Variants in DNAJC13 observed in about 807,000 individuals in gnomAD.
DNAJC13 encodes dnaJ homolog subfamily C member 13.
In DNAJC13, 75 loss-of-function variants were observed where a neutral mutation model predicts 290.5. That is an observed-to-expected ratio of 0.26 (90% CI 0.21 to 0.31). DNAJC13 has a LOEUF of 0.31. Among genes scored for constraint, DNAJC13 ranks in the 10% least tolerant of loss-of-function variants. DNAJC13 has a pLI of 1.00. For synonymous variants in DNAJC13, 862 were observed against 892.0 expected, an observed-to-expected ratio of 0.97 and a Z score of 0.60; for missense variants, 2,260 against 2,674.5, an observed-to-expected ratio of 0.85 and a Z score of 3.42.
Position 132,447,287 on chromosome 3 carries a change from T to C in DNAJC13, c.145-34T>C, listed in dbSNP as rs544372266. The C allele has an allele frequency of 2.9e-5, 44 of 1,496,764 alleles. No homozygotes were observed. In the South Asian group the frequency reaches 3.1e-4, roughly 11 times the overall value. The allele number at this position is 1,496,764 out of a possible 1,614,324, so 92.7% of individuals were successfully genotyped here. A position where few individuals can be genotyped will look rare whatever the true frequency, so the allele number is the denominator to read the frequency against. On this transcript the variant is annotated intron_variant, in intron 3 of 55. Coordinates refer to ENST00000260818, the MANE Select transcript of DNAJC13 (RefSeq NM_015268.4). The stretch of plus-strand genomic sequence containing the variant: ...ATAAGCATTACATTTTACTGTATTA[T>C]AGTAGCACCAGTCAAAATTTTTTTT...
intron 1 of DNAJC13, among the ~76,000 whole-genome samples, chr3:132,419,244 A>G (rs1159829259): frequency 1.3e-5 from 2 of 152,224 alleles, no homozygotes; most frequent in Non-Finnish European, 1.5e-5. Context: ...TTAAGGCTAG[A>G]GTTCAGTTCA....
intron 48 of DNAJC13, among the ~76,000 whole-genome samples, chr3:132,517,574 G>C (rs938608149): frequency 6.6e-6 from 1 of 152,074 alleles, no homozygotes; most frequent in African/African-American, 2.4e-5. Context: ...TGGGGCCCAG[G>C]AGTCTCCATT....
In DNAJC13 at chr3:132,446,016, A is replaced by G. The variant is rs149508057; in HGVS notation, c.69-459A>G. Among the ~76,000 whole-genome samples, 75 of 152,198 alleles carry G rather than the reference A, an allele frequency of 4.9e-4. 1 individual carries two copies. In the East Asian group the frequency reaches 0.012, roughly 24 times the overall value. On this transcript the variant is annotated intron_variant, in intron 2 of 55. Coordinates refer to ENST00000260818, the MANE Select transcript of DNAJC13 (RefSeq NM_015268.4). The stretch of plus-strand genomic sequence containing the variant: ...ATAGGTAGTTGCTTAAGTAGAAACT[A>G]TTAAGATTCCAGGATATGGCTGTGA...
intron 39 of DNAJC13, among the ~76,000 whole-genome samples, chr3:132,502,059 T>C (rs1935433277): frequency 1.3e-5 from 2 of 152,196 alleles, no homozygotes; most frequent in Admixed American, 6.5e-5. Context: ...CTTCTGACAT[T>C]AGCCTTAAAG....
At position 132,514,428 on chromosome 3, in the gene DNAJC13, T is replaced by C. The variant is rs1278654715; in HGVS notation, c.5386-143T>C. The C allele has an allele frequency of 1.2e-5, 7 of 576,854 alleles. No homozygotes were observed. In the East Asian group the frequency reaches 2.1e-4, roughly 18 times the overall value. 35.7% of individuals were successfully genotyped at this position (576,854 alleles called of 1,614,324 possible). ...TTTCCAAAGAGATTAATAAAGGCAA[T>C]CTTTTAAAATTAAACTCTTATCTAA... On this transcript the variant is annotated intron_variant, in intron 45 of 55. Coordinates refer to ENST00000260818, the MANE Select transcript of DNAJC13 (RefSeq NM_015268.4).
chr3:132,432,296 G>A (rs762227470), intron 1 of DNAJC13, among the ~76,000 whole-genome samples: 3 of 151,980 alleles, frequency 2.0e-5, no homozygotes, highest in Admixed American at 6.6e-5. Flanking sequence ...TCCACCTCCC[G>A]GGTTCAAGAG....
intron 54 of DNAJC13, among the ~76,000 whole-genome samples, chr3:132,529,923 T>G (rs984019507): frequency 2.6e-5 from 4 of 152,208 alleles, no homozygotes; most frequent in African/African-American, 9.6e-5. Flanking sequence ...CTATGAGTGT[T>G]CTAAATGCCA....
rs746105721 is a variant in DNAJC13 at position 132,514,636 on chromosome 3, C to A, written c.5451C>A (p.Ser1817=). Residue 1817 remains serine, a synonymous_variant, in exon 46 of 56, where the codon TCC becomes TCA. Coordinates refer to ENST00000260818, the MANE Select transcript of DNAJC13 (RefSeq NM_015268.4). ...ATATTGCTGAATCAATGGTTTTGTC[C>A]AGTTTATTGGCTCTTCTACATTCAT... ...VNNIAESMVL[S]SLLALLHSLP... 1 of 1,611,260 alleles carries A rather than the reference C, an allele frequency of 6.2e-7. No individual in the cohort carries two copies. The highest frequency in any genetic ancestry group is 2.2e-5 in the East Asian group (1 of 44,674).
At chr3:132,461,022 T>C in intron 14 of DNAJC13, 28 bp from the exon 15 acceptor site, 2 of 1,606,250 alleles carry the variant, frequency 1.2e-6, no homozygotes, top group Non-Finnish European at 8.5e-7. Context: ...CTCTTAAGTC[T>C]TTAAGAGAAT....
At chr3:132,492,670 A>C in intron 33 of DNAJC13, 55 bp downstream of exon 33, 1 of 1,498,056 alleles carries the variant, frequency 6.7e-7, no homozygotes, top group East Asian at 2.3e-5. Context: ...GCCTCTAAAC[A>C]CTTCTGGGTA....
At chr3:132,425,109 A>G (rs948246989) in intron 1 of DNAJC13, among the ~76,000 whole-genome samples, 3 of 152,148 alleles carry the variant, frequency 2.0e-5, no homozygotes, top group Non-Finnish European at 2.9e-5. Context: ...TTTTGAATCC[A>G]GTTACAAACA....
At chr3:132,535,664 A>G (rs907462324) in intron 55 of DNAJC13, among the ~76,000 whole-genome samples, 3 of 152,164 alleles carry the variant, frequency 2.0e-5, no homozygotes, top group Non-Finnish European at 2.9e-5. Flanking sequence ...TTTCACATAT[A>G]CATTTCATCG....
chr3:132,499,647 G>T (rs949713927), intron 37 of DNAJC13, 87 bp from the exon 38 acceptor site: 5 of 1,080,326 alleles, frequency 4.6e-6, no homozygotes, highest in Non-Finnish European at 6.9e-6. Context: ...AACATTAAAG[G>T]GTTATTTATA....
At position 132,456,281 on chromosome 3, in the gene DNAJC13, A is replaced by G. The variant is rs753758451; in HGVS notation, c.979A>G (p.Asn327Asp). 3 of 1,613,932 alleles carry G rather than the reference A, an allele frequency of 1.9e-6. No individual in the cohort carries two copies. Among genetic ancestry groups the G allele is most frequent in the Non-Finnish European group, 2.5e-6 (3 of 1,179,832 alleles). Residue 327 changes from asparagine to aspartate, a missense_variant, in exon 10 of 56, where the codon AAT (asparagine) becomes GAT (aspartate). Asn to Asp is a conservative substitution (Grantham distance 23). Transcript: ENST00000260818. The stretch of plus-strand genomic sequence containing the variant: ...GCTGGATGGAGTAAGAGCCTCTGGT[A>G]ATAGAGATGTTTGTGTAAAAATGAC... ...SLLDGVRASG[N>D]RDVCVKMTPT... is the part of the protein sequence containing the mutation.
chr3:132,499,089 G>T (rs1241050217), intron 36 of DNAJC13, 37 bp from the exon 37 acceptor site: 6 of 1,491,966 alleles, frequency 4.0e-6, no homozygotes, highest in Admixed American at 4.3e-5. Context: ...AATCAATTTT[G>T]TTTTGTTTTT....
At chr3:132,462,365 T>C (rs1052923862) in intron 15 of DNAJC13, 102 bp from the exon 16 acceptor site, 9 of 1,133,338 alleles carry the variant, frequency 7.9e-6, no homozygotes, top group African/African-American at 3.2e-5. Flanking sequence ...TTGTGGCTTA[T>C]ACCTTGTGTA....
intron 1 of DNAJC13, among the ~76,000 whole-genome samples, 190 bp from the exon 2 acceptor site, chr3:132,434,348 T>A (rs1406366283): frequency 6.7e-6 from 1 of 149,826 alleles, no homozygotes; most frequent in African/African-American, 2.5e-5. Context: ...ATCGTGCCAC[T>A]GCACTCCAGC....
Position 132,500,849 on chromosome 3 carries a change from G to T in DNAJC13, c.4472G>T (p.Arg1491Leu), listed in dbSNP as rs1024094346. 10 of 1,614,044 alleles carry T rather than the reference G, an allele frequency of 6.2e-6. No homozygotes were observed. The highest frequency in any genetic ancestry group is 8.5e-6 in the Non-Finnish European group (10 of 1,179,966). ...GTGGCTGCTCAGTTTGAGGAATGCC[G>T]AGAGAAGATCACGGAAATGCCTAGC... Reference protein sequence around the residue: ...YSVAAQFEECREKITEMPSII... With the variant: ...YSVAAQFEECLEKITEMPSII... The change falls in exon 39 of 56, where the codon CGA (arginine) becomes CTA (leucine). Residue 1491 changes from arginine (R) to leucine (L), a missense_variant. This residue lies in a region of DNAJC13 where 1,494 missense variants were observed against 1,693.7 expected (regional missense o/e 0.88). Coordinates refer to ENST00000260818, the MANE Select transcript of DNAJC13 (RefSeq NM_015268.4).
intron 1 of DNAJC13, among the ~76,000 whole-genome samples, chr3:132,429,077 A>G (rs1041743893): frequency 1.9e-4 from 29 of 152,212 alleles, no homozygotes; most frequent in African/African-American, 6.5e-4. Flanking sequence ...ATATTTTGAA[A>G]GTTTATTTAT....
Sources: gnomAD v4.1 joint callset for allele counts (sites outside exome capture counted in the v4.1 genomes callset) on GRCh38, gnomAD v4.1.1 for gene constraint, gnomAD v4.1.1 regional missense constraint, MANE v1.5 for transcripts, NCBI Gene and HGNC (gene_info 2026-07-23, HGNC 2026-07-21) for gene names.